COBLL1: variants seen among roughly 807,000 people sequenced by gnomAD.
COBLL1 encodes cordon-bleu protein-like 1.
In COBLL1, 50 loss-of-function variants were observed where a neutral mutation model predicts 94.8. The ratio of observed to expected loss-of-function variants is 0.53; its 90% CI spans 0.42 to 0.67. The LOEUF is 0.67. COBLL1 is among the 30% of genes least tolerant of loss of function. The pLI, the probability that COBLL1 is intolerant of heterozygous loss-of-function variation, is 0.00. For synonymous variants in COBLL1, 448 were observed against 473.8 expected (o/e 0.95, Z 0.71); for missense variants, 1,362 against 1,348.7 (o/e 1.01, Z -0.15).
rs186902862 is a variant in COBLL1, at chr2:164,769,792, C to G, written c.42-25917G>C. ...AAACTCGAGTTTTGCCACATATACC[C>G]CCCCCAGAGCAAGCATTTATTAAGC... On this transcript the variant is annotated intron_variant, in intron 2 of 13. Coordinates refer to ENST00000652658, the MANE Select transcript of COBLL1 (RefSeq NM_001365672.2). Among the ~76,000 whole-genome samples, 10 of 152,160 alleles carry G rather than the reference C, an allele frequency of 6.6e-5. No individual in the cohort carries two copies. The East Asian group carries it at 1.7e-3, about 27-fold the overall frequency.
At chr2:164,665,101 C>T (rs189310561) in intron 2 of COBLL1, among the ~76,000 whole-genome samples, 182 of 152,194 alleles carry the variant, frequency 1.2e-3, no homozygotes, top group African/African-American at 4.0e-3. Context: ...GAGGCCAAGG[C>T]GAGCAGATCA....
chr2:164,819,989 CTTTT>C (rs143956749), intron 2 of COBLL1, among the ~76,000 whole-genome samples: 1,653 of 137,902 alleles, frequency 0.012, 14 homozygotes, highest in Middle Eastern at 0.053. Context: ...CCATACCTGG[CTTTT>C]TTTTTTTTTT....
At chr2:164,823,160 T>A (rs1170734722) in intron 2 of COBLL1, among the ~76,000 whole-genome samples, 5 of 152,198 alleles carry the variant, frequency 3.3e-5, no homozygotes, top group Admixed American at 3.3e-4. Flanking sequence ...AGATGTGTAT[T>A]TTTAATAAGA....
intron 2 of COBLL1, among the ~76,000 whole-genome samples, chr2:164,794,299 T>C (rs1033407863): frequency 3.3e-5 from 5 of 152,148 alleles, no homozygotes; most frequent in Middle Eastern, 3.2e-3. Context: ...AATCATTCCA[T>C]AGATGCAAGG....
chr2:164,710,633 C>T (rs1684847598), intron 7 of COBLL1, among the ~76,000 whole-genome samples: 1 of 149,084 alleles, frequency 6.7e-6, no homozygotes, highest in Admixed American at 6.7e-5. Context: ...GGTGCGATCT[C>T]AGCTCACTGC....
At chr2:164,666,663 A>C (rs1036013759) in intron 1 of COBLL1, among the ~76,000 whole-genome samples, 1 of 152,232 alleles carries the variant, frequency 6.6e-6, no homozygotes, top group Non-Finnish European at 1.5e-5. Context: ...TGCTTTTTCA[A>C]CTAAGTTTGT....
At chr2:164,782,552 T>C (rs1482780983) in intron 2 of COBLL1, among the ~76,000 whole-genome samples, 1 of 152,288 alleles carries the variant, frequency 6.6e-6, no homozygotes, top group African/African-American at 2.4e-5. Context: ...GACTGCTTTA[T>C]GAGTACAGGC....
intron 3 of COBLL1, among the ~76,000 whole-genome samples, chr2:164,730,475 G>A (rs1016328667): frequency 6.6e-6 from 1 of 151,888 alleles, no homozygotes; most frequent in African/African-American, 2.4e-5. Context: ...TCCAGCCTGG[G>A]CAACAGAGCA....
In COBLL1 at chr2:164,708,498, A is replaced by C. The variant is rs189512700; in HGVS notation, c.997-3393T>G. ...AATAGAATATAAAGGTTAAATAGAA[A>C]TCTTTCTACTGATAATGCCCTTCTG... On this transcript the variant is annotated intron_variant, in intron 7 of 13. Transcript: ENST00000652658. 3.3e-5 allele frequency among the ~76,000 whole-genome samples: 5 copies of C among 152,324 alleles called. No homozygotes were observed. The East Asian group carries it at 9.6e-4, about 29-fold the overall frequency.
intron 2 of COBLL1, among the ~76,000 whole-genome samples, chr2:164,807,222 T>C (rs1684207749): frequency 6.6e-6 from 1 of 151,916 alleles, no homozygotes; most frequent in Non-Finnish European, 1.5e-5. Context: ...GAGGTGGGTG[T>C]ATCACCTGAG....
intron 2 of COBLL1, among the ~76,000 whole-genome samples, chr2:164,796,087 C>T (rs1683437986): frequency 6.6e-6 from 1 of 152,040 alleles, no homozygotes; most frequent in African/African-American, 2.4e-5. Flanking sequence ...TTTCCATATA[C>T]AAGGATTTAA....
At chr2:164,720,848 C>G (rs1007415418) in intron 7 of COBLL1, among the ~76,000 whole-genome samples, 11 of 152,066 alleles carry the variant, frequency 7.2e-5, no homozygotes, top group African/African-American at 2.7e-4. Flanking sequence ...AAGCAGTTAC[C>G]CTGCAAATTC....
At chr2:164,840,493 TTTAA>T (rs1281218793) in intron 2 of COBLL1, among the ~76,000 whole-genome samples, 3 of 151,576 alleles carry the variant, frequency 2.0e-5, no homozygotes, top group Non-Finnish European at 4.4e-5. Context: ...ACATGCCTCA[TTTAA>T]TATTAACTCA....
intron 2 of COBLL1, among the ~76,000 whole-genome samples, chr2:164,808,110 G>T (rs188614489): frequency 6.6e-6 from 1 of 152,088 alleles, no homozygotes; most frequent in Non-Finnish European, 1.5e-5. Context: ...ATGATCCACC[G>T]TGCCTGGCCT....
chr2:164,770,192 C>T (rs1688138301), intron 2 of COBLL1, among the ~76,000 whole-genome samples: 2 of 152,068 alleles, frequency 1.3e-5, no homozygotes, highest in African/African-American at 4.8e-5. Context: ...ATTTCAAAAC[C>T]CATTTCTTTC....
intron 2 of COBLL1, among the ~76,000 whole-genome samples, chr2:164,778,165 C>T (rs908461990): frequency 1.3e-5 from 2 of 152,116 alleles, no homozygotes; most frequent in Non-Finnish European, 2.9e-5. Flanking sequence ...GAAACTCACT[C>T]AACATTTACT....
chr2:164,679,239 T>C (rs759622603), downstream of COBLL1, among the ~76,000 whole-genome samples: 5 of 152,082 alleles, frequency 3.3e-5, no homozygotes, highest in Non-Finnish European at 5.9e-5. Context: ...CTAGGAGGTG[T>C]CCCATATTTA....
At chr2:164,767,839 T>A (rs355845) in intron 2 of COBLL1, among the ~76,000 whole-genome samples, 104,849 of 152,012 alleles carry the variant, frequency 0.69, 37,888 homozygotes, top group African/African-American at 0.92. Context: ...TAATATTTTT[T>A]AAATTACATT....
At position 164,729,945 on chromosome 2, in the gene COBLL1, T is replaced by C. The variant is rs1685902778; in HGVS notation, c.401A>G (p.Asp134Gly). The change falls in exon 4 of 14, where the codon GAT (aspartate) becomes GGT (glycine). Residue 134 changes from aspartate (D) to glycine (G), a missense_variant. Asp to Gly is a moderately conservative substitution (Grantham distance 94, BLOSUM62 -1). Transcript: ENST00000652658. Reference protein sequence around the residue: ...EKVILKPKMLDKKKPTPIIPE... With the variant: ...EKVILKPKMLGKKKPTPIIPE... The stretch of plus-strand genomic sequence containing the variant: ...TATTATAGGTGTAGGTTTTTTCTTA[T>C]CCAACATTTTTGGCTTTAAAATTAC... The C allele has an allele frequency of 6.2e-7, 1 of 1,613,952 alleles. No individual in the cohort carries two copies. The highest frequency in any genetic ancestry group is 8.5e-7 in the Non-Finnish European group (1 of 1,179,906).
Sources: allele counts gnomAD v4.1 joint callset (sites outside exome capture counted in the v4.1 genomes callset), GRCh38; gene constraint gnomAD v4.1.1; transcripts MANE v1.5; gene names NCBI Gene and HGNC (gene_info 2026-07-23, HGNC 2026-07-21).